Variants in SCIN observed in about 807,000 individuals in gnomAD.
SCIN encodes adseverin.
In SCIN, 91 loss-of-function variants were observed where a neutral mutation model predicts 91.8. The ratio of observed to expected loss-of-function variants is 0.99; its 90% CI spans 0.84 to 1.18. SCIN has a LOEUF of 1.18. Among genes scored for constraint, SCIN ranks in the 50% most tolerant of loss-of-function variants. The pLI, the probability that SCIN is intolerant of heterozygous loss-of-function variation, is 0.00. For synonymous variants in SCIN, 367 were observed against 312.6 expected (o/e 1.17, Z -1.84); for missense variants, 1,087 against 863.9 (o/e 1.26, Z -3.24).
chr7:12,617,077 G>GGT, intron 4 of SCIN, among the ~76,000 whole-genome samples: 1 of 152,194 alleles, frequency 6.6e-6, no homozygotes. Flanking sequence ...TCCATGAGGA[G>GGT]GTGTGTGGCA....
chr7:12,639,733 G>A (rs1186871589), intron 10 of SCIN, among the ~76,000 whole-genome samples: 1 of 151,680 alleles, frequency 6.6e-6, no homozygotes, highest in Admixed American at 6.6e-5. Context: ...CATTTCTATA[G>A]GTAAGTTAAA....
Position 12,581,142 on chromosome 7 carries a change from G to C in SCIN, c.437G>C (p.Arg146Thr). 1.9e-6 allele frequency: 3 copies of C among 1,551,512 alleles called. No homozygotes were observed. The highest frequency in any genetic ancestry group is 2.6e-6 in the Non-Finnish European group (3 of 1,146,850). ...AKRLLHVKGR[R>T]VVRATEVPLS... is the part of the protein sequence containing the mutation. Reference sequence around the variant, plus strand: ...AGGCTCCTACATGTGAAGGGTCGTAGAGTGGTGAGAGCCACAGAAGTTCCC... The same window carrying C: ...AGGCTCCTACATGTGAAGGGTCGTACAGTGGTGAGAGCCACAGAAGTTCCC... Residue 146 changes from arginine to threonine, a missense_variant, in exon 3 of 16, where the codon AGA (arginine) becomes ACA (threonine). Physicochemically the swap from Arg to Thr is moderately conservative, Grantham distance 71 (BLOSUM62 -1). Coordinates refer to ENST00000297029, the MANE Select transcript of SCIN (RefSeq NM_001112706.3).
Position 12,626,777 on chromosome 7 carries a change from A to G in SCIN, c.1175A>G (p.Asp392Gly), listed in dbSNP as rs768700725. Residue 392 changes from aspartate (D) to glycine (G), a missense_variant, in exon 8 of 16, where the codon GAT becomes GGT. Transcript: ENST00000297029. ...PQMAAQHNMVDDGSGKVEIWR... is the reference protein window; with the variant it reads ...PQMAAQHNMVGDGSGKVEIWR... The stretch of plus-strand genomic sequence containing the variant: ...ATGGCAGCCCAGCACAATATGGTGG[A>G]TGATGGTTCTGGCAAAGTGGAGGTA... 1 of 1,609,838 alleles carries G rather than the reference A, an allele frequency of 6.2e-7. No homozygotes were observed. Among genetic ancestry groups the G allele is most frequent in the South Asian group, 1.1e-5 (1 of 89,918 alleles).
intron 10 of SCIN, among the ~76,000 whole-genome samples, chr7:12,637,862 C>CAG (rs3086533): frequency 0.68 from 103,209 of 151,830 alleles, 35,865 homozygotes; most frequent in Non-Finnish European, 0.77. Context: ...TATCTAGAGA[C>CAG]AGATTAAGAT....
At chr7:12,633,658 G>A (rs1171813575) in intron 9 of SCIN, among the ~76,000 whole-genome samples, 2 of 152,212 alleles carry the variant, frequency 1.3e-5, no homozygotes, top group Non-Finnish European at 2.9e-5. Flanking sequence ...TGTCTGTTCG[G>A]TGGTTGGATT....
chr7:12,633,205 A>T lies in SCIN; in HGVS notation c.1320-2840A>T, dbSNP rs568497851. Among the ~76,000 whole-genome samples, 17 of 152,304 alleles carry T rather than the reference A, an allele frequency of 1.1e-4. No individual in the cohort carries two copies. In the South Asian group the frequency reaches 3.5e-3, roughly 32 times the overall value. Reference sequence around the variant, plus strand: ...TTAAATCAATTATGAAATCACTTGTATGCTGAAATGACAGGACAAAAAAAA... The same window carrying T: ...TTAAATCAATTATGAAATCACTTGTTTGCTGAAATGACAGGACAAAAAAAA... On this transcript the variant is annotated intron_variant, in intron 9 of 15. Transcript: ENST00000297029.
In SCIN at chr7:12,643,753, T is replaced by C. The variant is rs116672119; in HGVS notation, c.1582-385T>C. Among the ~76,000 whole-genome samples the C allele has an allele frequency of 4.7e-3, 717 of 152,316 alleles. 7 individuals carry two copies. The highest frequency in any genetic ancestry group is 0.016 in the African/African-American group (669 of 41,572). Reference sequence around the variant, plus strand: ...TTCCTCACTTGGCCTCAAGATCACTTTACGCTCTTGTTTTCCTCCTCCGTC... The same window carrying C: ...TTCCTCACTTGGCCTCAAGATCACTCTACGCTCTTGTTTTCCTCCTCCGTC... On this transcript the variant is annotated intron_variant, in intron 11 of 15. Coordinates refer to ENST00000297029, the MANE Select transcript of SCIN (RefSeq NM_001112706.3).
intron 11 of SCIN, 71 bp downstream of exon 11, chr7:12,640,588 A>G: frequency 8.3e-6 from 11 of 1,330,020 alleles, no homozygotes; most frequent in Non-Finnish European, 1.1e-5. Flanking sequence ...ATCAGCAAAT[A>G]TTAGACTTTA....
rs750156560 is a variant in SCIN, at chr7:12,570,926, T to A, written c.140T>A (p.Leu47Gln). Residue 47 changes from leucine to glutamine, a missense_variant, in exon 1 of 16, where the codon CTG becomes CAG. Leu to Gln is a moderately radical substitution (Grantham distance 113, BLOSUM62 -2). Transcript: ENST00000297029. ...HGDFYVGDAY[L>Q]VLHTAKTSRG... is the part of the protein sequence containing the mutation. ...GACTTCTACGTCGGGGATGCCTACC[T>A]GGTGCTGCACACGGCCAAGACGAGC... 5 of 1,551,378 alleles carry A rather than the reference T, an allele frequency of 3.2e-6. No homozygotes were observed. Among genetic ancestry groups the A allele is most frequent in the African/African-American group, 1.4e-5 (1 of 73,042 alleles).
At chr7:12,596,932 C>G (rs1176479227) in intron 3 of SCIN, among the ~76,000 whole-genome samples, 1 of 152,190 alleles carries the variant, frequency 6.6e-6, no homozygotes, top group Non-Finnish European at 1.5e-5. Context: ...TATTTCTCTT[C>G]TCTCTATCAC....
intron 11 of SCIN, 133 bp downstream of exon 11, chr7:12,640,650 A>T (rs1178349400): frequency 1.3e-5 from 11 of 818,246 alleles, no homozygotes; most frequent in Non-Finnish European, 1.4e-5. Flanking sequence ...CACTGTTCAA[A>T]ATTTTAAAAA....
intron 3 of SCIN, chr7:12,588,808 T>TGGCG (rs1782647130): frequency 1.3e-4 from 1 of 7,974 alleles, no homozygotes; most frequent in African/African-American, 1.2e-3. Context: ...CTGCATTGGG[T>TGGCG]GGGGGGGGGG....
chr7:12,651,674 A>G lies in SCIN; in HGVS notation c.1960-167A>G, dbSNP rs137937653. Among the ~76,000 whole-genome samples, 2 of 152,304 alleles carry G rather than the reference A, an allele frequency of 1.3e-5. No individual in the cohort carries two copies. Among genetic ancestry groups the G allele is most frequent in the Non-Finnish European group, 2.9e-5 (2 of 68,028 alleles). ...TAGGTGTCTCCTGATGAGTGTGAAC[A>G]CTGGGAAAGTGATGGTACCTCTCTG... On this transcript the variant is annotated intron_variant, in intron 14 of 15. Transcript: ENST00000297029. The surrounding 1 kb of genome is among the most constrained non-coding windows in gnomAD (Gnocchi z 5.9).
At chr7:12,578,399 A>G (rs1023346564) in intron 2 of SCIN, among the ~76,000 whole-genome samples, 181 bp downstream of exon 2, 13 of 152,210 alleles carry the variant, frequency 8.5e-5, no homozygotes, top group African/African-American at 2.4e-4. Context: ...TAGGTGTTCA[A>G]TAAATGTTTG....
intron 7 of SCIN, 148 bp downstream of exon 7, chr7:12,625,998 C>T: frequency 1.7e-6 from 1 of 586,912 alleles, no homozygotes; most frequent in Non-Finnish European, 3.0e-6. Context: ...TCTGGTGTCC[C>T]TCTTCTTTAT....
At chr7:12,643,156 T>C (rs1220440101) in intron 11 of SCIN, among the ~76,000 whole-genome samples, 1 of 152,154 alleles carries the variant, frequency 6.6e-6, no homozygotes, top group African/African-American at 2.4e-5. Context: ...TTTCTGTGCA[T>C]CTCTTTATTT....
At position 12,579,684 on chromosome 7, in the gene SCIN, A is replaced by G. The variant is rs182721455; in HGVS notation, c.355-1376A>G. ...TAATCCCAACACTTTGAGAGGCCAA[A>G]GCAGACGGATCACCTGAGGTCAGAA... On this transcript the variant is annotated intron_variant, in intron 2 of 15. Coordinates refer to ENST00000297029, the MANE Select transcript of SCIN (RefSeq NM_001112706.3). Among the ~76,000 whole-genome samples, 224 of 152,332 alleles carry G rather than the reference A, an allele frequency of 1.5e-3. 2 individuals are homozygous for G. The highest frequency in any genetic ancestry group is 7.5e-3 in the East Asian group (39 of 5,178).
At chr7:12,599,412 T>C (rs763825247) in intron 3 of SCIN, among the ~76,000 whole-genome samples, 11 of 152,242 alleles carry the variant, frequency 7.2e-5, no homozygotes, top group Non-Finnish European at 1.5e-4. Context: ...ACATTTTCTT[T>C]ATCCACTCAT....
intron 4 of SCIN, among the ~76,000 whole-genome samples, chr7:12,616,261 G>A (rs1783297449): frequency 6.6e-6 from 1 of 152,040 alleles, no homozygotes; most frequent in Admixed American, 6.6e-5. Flanking sequence ...AGCAGTTTTG[G>A]GAAATGGGAC....
Sources: allele counts gnomAD v4.1 joint callset (sites outside exome capture counted in the v4.1 genomes callset), GRCh38; gene constraint gnomAD v4.1.1; non-coding constraint Gnocchi (gnomAD v3.1); transcripts MANE v1.5; gene names NCBI Gene and HGNC (gene_info 2026-07-23, HGNC 2026-07-21).